AP5Z1: variants seen among roughly 807,000 people sequenced by gnomAD.
The protein encoded by AP5Z1 is adaptor related protein complex 5 subunit zeta 1.
Under a neutral mutation model 83.0 loss-of-function variants are expected in AP5Z1, and 106 were observed. The observed-to-expected ratio is 1.28, with a 90% CI of 1.09 to 1.50. AP5Z1 has a LOEUF of 1.50. Among genes scored for constraint, AP5Z1 ranks in the 40% most tolerant of loss-of-function variants. The pLI is 0.00. For missense variants in AP5Z1, 1,565 were observed against 1,094.2 expected (o/e 1.43, Z -6.07); for synonymous variants, 751 against 514.1 (o/e 1.46, Z -6.23).
At position 4,781,571 on chromosome 7, in the gene AP5Z1, G is replaced by A; in HGVS notation, c.183G>A (p.Leu61=). Residue 61 remains leucine (L), a synonymous_variant, in exon 3 of 17, where the codon CTG becomes CTA. Transcript: ENST00000649063. ...IISATKYSRR[L]EKTCVDLLQA... ...CCACGGGCATCTCGCCTTCCAGGCT[G>A]GAGAAGACATGCGTAGACCTGCTGC... 6.2e-7 allele frequency: 1 copy of A among 1,604,964 alleles called. No individual in the cohort carries two copies. Among genetic ancestry groups the A allele is most frequent in the South Asian group, 1.1e-5 (1 of 90,932 alleles).
chr7:4,786,285 C>T lies in AP5Z1; in HGVS notation c.1168C>T (p.Gln390Ter), dbSNP rs377565484. The T allele has an allele frequency of 1.7e-5, 27 of 1,613,120 alleles. No homozygotes were observed. Among genetic ancestry groups the T allele is most frequent in the Non-Finnish European group, 2.3e-5 (27 of 1,179,448 alleles). ...TGCAGTGGACTCGGAAGCCGTCTACCAGCACCTGTTCACCAGGATCCCGGT... is the reference window on the plus strand; with the variant it reads ...TGCAGTGGACTCGGAAGCCGTCTACTAGCACCTGTTCACCAGGATCCCGGT... ...AAAVDSEAVY[Q>*]HLFTRIPVEQ... Residue 390 changes from glutamine (Q) to a stop codon, truncating the protein, a stop_gained, in exon 10 of 17, where the codon CAG becomes TAG. Coordinates refer to ENST00000649063, the MANE Select transcript of AP5Z1 (RefSeq NM_014855.3). LOFTEE classifies it high-confidence loss of function.
rs758587330 is a variant in AP5Z1 at position 4,784,255 on chromosome 7, T to C, written c.674T>C (p.Val225Ala). 1 of 1,595,016 alleles carries C rather than the reference T, an allele frequency of 6.3e-7. No individual in the cohort carries two copies. The highest frequency in any genetic ancestry group is 2.3e-5 in the East Asian group (1 of 43,884). Residue 225 changes from valine (V) to alanine (A), a missense_variant, in exon 6 of 17, where the codon GTG becomes GCG. Transcript: ENST00000649063. The part of the protein sequence containing the change: ...DGAVATDFFT[V>A]LSSGHRFTDD... Reference sequence around the variant, plus strand: ...GCGGTAGCCACAGACTTCTTCACGGTGCTCTCCAGCGGCCACCGCTTCACA... The same window carrying C: ...GCGGTAGCCACAGACTTCTTCACGGCGCTCTCCAGCGGCCACCGCTTCACA...
Position 4,793,236 on chromosome 7 carries a change from C to T in AP5Z1, c.*1851C>T, listed in dbSNP as rs1181674240. 6.6e-6 allele frequency: 1 copy of T among 152,252 alleles called. No homozygotes were observed. The highest frequency in any genetic ancestry group is 1.9e-4 in the East Asian group (1 of 5,200). The allele number at this position is 152,252 out of a possible 1,614,324, so 9.4% of individuals were successfully genotyped here. A position where few individuals can be genotyped will look rare whatever the true frequency, so the allele number is the denominator to read the frequency against. Reference sequence around the variant, plus strand: ...CTCCAGGAGGCAGCTGGGAAAAGGGCAAAGCTCACCAGCTCTCAACTTTTT... The same window carrying T: ...CTCCAGGAGGCAGCTGGGAAAAGGGTAAAGCTCACCAGCTCTCAACTTTTT... On this transcript the variant is annotated 3_prime_UTR_variant, in exon 17 of 17. Coordinates refer to ENST00000649063, the MANE Select transcript of AP5Z1 (RefSeq NM_014855.3).
At chr7:4,784,030 G>A (rs779298806) in intron 5 of AP5Z1, among the ~76,000 whole-genome samples, 173 bp from the exon 6 acceptor site, 2 of 152,178 alleles carry the variant, frequency 1.3e-5, no homozygotes, top group African/African-American at 2.4e-5. Flanking sequence ...TGTGCGACGC[G>A]CGTCTGCCTG....
At chr7:4,779,484 T>TA (rs1562403094) in intron 1 of AP5Z1, among the ~76,000 whole-genome samples, 6 of 135,640 alleles carry the variant, frequency 4.4e-5, no homozygotes, top group African/African-American at 1.6e-4. Flanking sequence ...ATATATATAT[T>TA]TTTTTTTGAA....
intron 1 of AP5Z1, among the ~76,000 whole-genome samples, chr7:4,776,562 CAAAAAAAAAAA>C (rs55916241): frequency 1.2e-5 from 1 of 82,414 alleles, no homozygotes; most frequent in Non-Finnish European, 2.9e-5. Context: ...ACTGAAAATA[CAAAAAAAAAAA>C]AAAAAAAAAA....
chr7:4,777,038 C>G (rs1781247827), intron 1 of AP5Z1, among the ~76,000 whole-genome samples: 1 of 152,078 alleles, frequency 6.6e-6, no homozygotes, highest in African/African-American at 2.4e-5. Context: ...GTTCTAAAGC[C>G]CGAACAGGAC....
intron 9 of AP5Z1, 62 bp downstream of exon 9, chr7:4,785,746 G>C (rs1219810213): frequency 1.5e-6 from 2 of 1,325,458 alleles, no homozygotes; most frequent in Admixed American, 6.3e-5. Flanking sequence ...TTTTAGGATG[G>C]AATTTCTTCT....
rs934203075 is a variant in AP5Z1, at chr7:4,783,408, C to T, written c.459C>T (p.Leu153=). The T allele has an allele frequency of 6.2e-7, 1 of 1,613,146 alleles. No individual in the cohort carries two copies. Residue 153 remains leucine, a synonymous_variant, in exon 4 of 17, where the codon CTC becomes CTT. Transcript: ENST00000649063. ...CTGAGGGACCCAGCCTCAGACACCTCCTCCCCGTCATGGCCAAGGTCGTGG... is the reference window on the plus strand; with the variant it reads ...CTGAGGGACCCAGCCTCAGACACCTTCTCCCCGTCATGGCCAAGGTCGTGG... ...RQPEGPSLRH[L]LPVMAKVVVL...
chr7:4,788,434 A>G, intron 12 of AP5Z1, 140 bp downstream of exon 12: 1 of 1,103,118 alleles, frequency 9.1e-7, no homozygotes, highest in South Asian at 1.9e-5. Context: ...CGTCATCACC[A>G]TTATAGAGGC....
At position 4,791,406 on chromosome 7, in the gene AP5Z1, T is replaced by G; in HGVS notation, c.*21T>G. On this transcript the variant is annotated 3_prime_UTR_variant, in exon 17 of 17. Coordinates refer to ENST00000649063, the MANE Select transcript of AP5Z1 (RefSeq NM_014855.3). The stretch of plus-strand genomic sequence containing the variant: ...GGTGAAGGGACAGTGGCCAGGGACT[T>G]CGGTGCAGATTAAGAGCCTGGGCAG... 6.3e-7 allele frequency: 1 copy of G among 1,590,050 alleles called. No homozygotes were observed. Among genetic ancestry groups the G allele is most frequent in the Non-Finnish European group, 8.6e-7 (1 of 1,167,766 alleles).
chr7:4,781,463 T>C, intron 2 of AP5Z1, 105 bp from the exon 3 acceptor site: 1 of 1,534,120 alleles, frequency 6.5e-7, no homozygotes, highest in Non-Finnish European at 8.9e-7. Context: ...TGTAAAATGC[T>C]CTGTCCACTG....
chr7:4,791,568 G>A lies in AP5Z1; in HGVS notation c.*183G>A. 1 of 898,140 alleles carries A rather than the reference G, an allele frequency of 1.1e-6. No homozygotes were observed. The highest frequency in any genetic ancestry group is 1.6e-6 in the Non-Finnish European group (1 of 608,028). The allele number at this position is 898,140 out of a possible 1,614,324, so 55.6% of individuals were successfully genotyped here. A position where few individuals can be genotyped will look rare whatever the true frequency, so the allele number is the denominator to read the frequency against. ...CCCCCCTGCTCACCCTCTGGGCTTT[G>A]TCTCCGAGCCTTTTGCTCCCAGGCA... On this transcript the variant is annotated 3_prime_UTR_variant, in exon 17 of 17. Coordinates refer to ENST00000649063, the MANE Select transcript of AP5Z1 (RefSeq NM_014855.3).
rs776031344 is a variant in AP5Z1, at chr7:4,791,067, C to T, written c.2154-48C>T. On this transcript the variant is annotated intron_variant, in intron 16 of 16. Coordinates refer to ENST00000649063, the MANE Select transcript of AP5Z1 (RefSeq NM_014855.3). ...CTGGCCCCTCCACACAGACCCCTGT[C>T]CTGGGAGGGGAGCATCTGCAGCTGA... 32 of 1,518,736 alleles carry T rather than the reference C, an allele frequency of 2.1e-5. No individual in the cohort carries two copies. In the South Asian group the frequency reaches 3.1e-4, roughly 15 times the overall value. 94.1% of individuals were successfully genotyped at this position (1,518,736 alleles called of 1,614,324 possible).
At chr7:4,786,671 C>T (rs892041893) in intron 10 of AP5Z1, among the ~76,000 whole-genome samples, 25 of 152,288 alleles carry the variant, frequency 1.6e-4, no homozygotes, top group African/African-American at 3.6e-4. Context: ...TGACACAAGA[C>T]GGTGAGTTTG....
At position 4,789,838 on chromosome 7, in the gene AP5Z1, G is replaced by A. The variant is rs371963578; in HGVS notation, c.1714G>A (p.Asp572Asn). The change falls in exon 14 of 17, where the codon GAC becomes AAC. Residue 572 changes from aspartate to asparagine, a missense_variant. Physicochemically the swap from Asp to Asn is conservative, Grantham distance 23. Coordinates refer to ENST00000649063, the MANE Select transcript of AP5Z1 (RefSeq NM_014855.3). ...AFFSAVTQVA[D>N]GSLINQLALL... ...TCCCACTCCTGACCCCCAGGTGGCT[G>A]ACGGGTCCCTGATCAACCAGCTGGC... The A allele has an allele frequency of 3.9e-6, 6 of 1,551,676 alleles. No homozygotes were observed. The African/African-American group carries it at 6.8e-5, about 18-fold the overall frequency.
In AP5Z1 at chr7:4,790,822, G is replaced by A. The variant is rs370146219; in HGVS notation, c.2088G>A (p.Gln696=). The change falls in exon 16 of 17, where the codon CAG becomes CAA. Residue 696 remains glutamine (Q), a synonymous_variant. Coordinates refer to ENST00000649063, the MANE Select transcript of AP5Z1 (RefSeq NM_014855.3). ...PSAALPRCPP[Q]VVTVLMTTLT... The stretch of plus-strand genomic sequence containing the variant: ...CTGCCCTGCCCAGGTGTCCCCCCCA[G>A]GTGGTCACCGTGCTGATGACCACGC... 6.8e-6 allele frequency: 11 copies of A among 1,609,218 alleles called. No homozygotes were observed. In the African/African-American group the frequency reaches 1.2e-4, roughly 18 times the overall value.
At chr7:4,783,509 T>C in intron 4 of AP5Z1, 49 bp downstream of exon 4, 1 of 1,554,494 alleles carries the variant, frequency 6.4e-7, no homozygotes, top group East Asian at 2.5e-5. Flanking sequence ...CCTTCCCAGG[T>C]CCTTCCCTGA....
intron 1 of AP5Z1, 126 bp downstream of exon 1, chr7:4,775,882 G>T: frequency 1.5e-6 from 2 of 1,368,930 alleles, no homozygotes; most frequent in Non-Finnish European, 2.0e-6. Flanking sequence ...TCGCCCTCGA[G>T]ACTTGGGGAT....
Sources: gnomAD v4.1 joint callset for allele counts (sites outside exome capture counted in the v4.1 genomes callset) on GRCh38, gnomAD v4.1.1 for gene constraint, MANE v1.5 for transcripts, NCBI Gene and HGNC (gene_info 2026-07-23, HGNC 2026-07-21) for gene names.